CPEB1: variants seen among roughly 807,000 people sequenced by gnomAD.
The protein encoded by CPEB1 is cytoplasmic polyadenylation element-binding protein 1.
Under a neutral mutation model 65.8 loss-of-function variants are expected in CPEB1, and 7 were observed. The ratio of observed to expected loss-of-function variants is 0.11; its 90% CI spans 0.06 to 0.20. CPEB1 has a LOEUF of 0.20. CPEB1 is among the 10% of genes least tolerant of loss of function. The pLI, the probability that CPEB1 is intolerant of heterozygous loss-of-function variation, is 1.00. For missense variants in CPEB1, 551 were observed against 712.2 expected, an observed-to-expected ratio of 0.77 and a Z score of 2.58; for synonymous variants, 262 against 260.0, an observed-to-expected ratio of 1.01 and a Z score of -0.08.
upstream of CPEB1, chr15:82,648,691 T>G (rs374256086): frequency 1.9e-3 from 297 of 152,850 alleles, 2 homozygotes; most frequent in East Asian, 3.9e-4. Context: ...GAGTCGGAGA[T>G]GGCATTCCAG....
rs1301676366 is a variant in CPEB1 at position 82,619,544 on chromosome 15, A to G, written c.271+7649T>C. ...AATAATTTTAATACATATTTCAGACAAAGAACTCATATGTGGCCTATATAA... is the reference window on the plus strand; with the variant it reads ...AATAATTTTAATACATATTTCAGACGAAGAACTCATATGTGGCCTATATAA... On this transcript the variant is annotated intron_variant, in intron 3 of 12. Coordinates refer to ENST00000684509, the MANE Select transcript of CPEB1 (RefSeq NM_001365242.1). Among the ~76,000 whole-genome samples the G allele has an allele frequency of 4.6e-5, 7 of 152,246 alleles. No homozygotes were observed. In the East Asian group the frequency reaches 1.3e-3, roughly 29 times the overall value.
chr15:82,578,905 C>T (rs2040943757), intron 3 of CPEB1, among the ~76,000 whole-genome samples: 1 of 152,292 alleles, frequency 6.6e-6, no homozygotes, highest in East Asian at 1.9e-4. Flanking sequence ...CTTACTACAA[C>T]CTCCACGTCC....
chr15:82,587,182 T>C (rs994774853), intron 3 of CPEB1, among the ~76,000 whole-genome samples: 1 of 152,220 alleles, frequency 6.6e-6, no homozygotes, highest in African/African-American at 2.4e-5. Context: ...ATGAGCCATT[T>C]AGGTAATTTT....
intron 6 of CPEB1, among the ~76,000 whole-genome samples, chr15:82,555,203 T>C (rs2036983384): frequency 6.6e-6 from 1 of 152,262 alleles, no homozygotes; most frequent in Non-Finnish European, 1.5e-5. Context: ...TTAAAATATA[T>C]AGAGATGGGG....
chr15:82,560,086 A>C (rs2037939479), intron 4 of CPEB1, among the ~76,000 whole-genome samples: 1 of 152,214 alleles, frequency 6.6e-6, no homozygotes. Context: ...TCTGAAAAAA[A>C]AAAGTTCCTT....
At position 82,552,583 on chromosome 15, in the gene CPEB1, G is replaced by A. The variant is rs1401919754; in HGVS notation, c.1178C>T (p.Ser393Phe). ...GCAAGCCTGAAGCAAGGATCGGACA[G>A]ACTTCTCTAGTTCGAAGACCAGATA... ...YVYLVFELEK[S>F]VRSLLQACSH... Residue 393 changes from serine (S) to phenylalanine (F), a missense_variant, in exon 9 of 13, where the codon TCT (serine) becomes TTT (phenylalanine). This residue lies in a region of CPEB1 where 99 missense variants were observed against 161.3 expected (regional missense o/e 0.61). Coordinates refer to ENST00000684509, the MANE Select transcript of CPEB1 (RefSeq NM_001365242.1). 1 of 1,614,104 alleles carries A rather than the reference G, an allele frequency of 6.2e-7. No homozygotes were observed. Among genetic ancestry groups the A allele is most frequent in the Non-Finnish European group, 8.5e-7 (1 of 1,179,956 alleles).
intron 1 of CPEB1, chr15:82,638,601 A>G (rs988800982): frequency 1.3e-5 from 2 of 152,214 alleles, no homozygotes; most frequent in African/African-American, 2.4e-5. Context: ...CCAAATACCC[A>G]AAGTTGAATA....
Position 82,544,781 on chromosome 15 carries a change from T to TC in CPEB1, c.1657-80dup, listed in dbSNP as rs2034861620. The TC allele has an allele frequency of 1.5e-5, 17 of 1,106,260 alleles. No individual in the cohort carries two copies. In the Admixed American group the frequency reaches 2.3e-4, roughly 15 times the overall value. 68.5% of individuals were successfully genotyped at this position (1,106,260 alleles called of 1,614,324 possible). ...AGGAGCTGTTGCACGAGCTGCTTGT[T>TC]CTGTTTGGAGAAGGGTGGGAGACTC... is the stretch of plus-strand genomic sequence containing the variant. On this transcript the variant is annotated intron_variant, in intron 12 of 12. Coordinates refer to ENST00000684509, the MANE Select transcript of CPEB1 (RefSeq NM_001365242.1).
At chr15:82,629,916 T>C (rs1296219470) in intron 1 of CPEB1, 2 of 985,296 alleles carry the variant, frequency 2.0e-6, no homozygotes, top group Non-Finnish European at 2.4e-6. Flanking sequence ...TCTTGAAGAT[T>C]GGTACCCTCT....
chr15:82,562,895 ATACT>A (rs1294647541), intron 4 of CPEB1, among the ~76,000 whole-genome samples: 1 of 152,068 alleles, frequency 6.6e-6, no homozygotes, highest in Non-Finnish European at 1.5e-5. Context: ...AAAATGGTAA[ATACT>A]TAAGAGAAAA....
Position 82,546,531 on chromosome 15 carries a change from G to C in CPEB1, c.1576-10C>G, listed in dbSNP as rs2035244189. 6.2e-7 allele frequency: 1 copy of C among 1,608,424 alleles called. No homozygotes were observed. Among genetic ancestry groups the C allele is most frequent in the South Asian group, 1.1e-5 (1 of 90,904 alleles). On this transcript the variant is annotated splice_polypyrimidine_tract_variant and intron_variant, in intron 11 of 12. Transcript: ENST00000684509. ...AGGGGTCAATCTGAACCTGCACAAA[G>C]GCAAAATAAGATGATGAAGTGGCTC... is the stretch of plus-strand genomic sequence containing the variant.
At chr15:82,631,902 C>G (rs1380954695) in intron 1 of CPEB1, among the ~76,000 whole-genome samples, 1 of 150,212 alleles carries the variant, frequency 6.7e-6, no homozygotes, top group Non-Finnish European at 1.5e-5. Context: ...TTTTTGGAAG[C>G]TGGAACATTT....
At chr15:82,579,289 C>G (rs10468216) in intron 3 of CPEB1, among the ~76,000 whole-genome samples, 1 of 152,014 alleles carries the variant, frequency 6.6e-6, no homozygotes, top group African/African-American at 2.4e-5. Flanking sequence ...AGGGAGACCC[C>G]GTTTCTACAA....
upstream of CPEB1, chr15:82,647,835 C>A: frequency 7.8e-7 from 1 of 1,281,586 alleles, no homozygotes; most frequent in Non-Finnish European, 9.8e-7. Flanking sequence ...CCCGCCCAGG[C>A]GAGCGGCGGG....
chr15:82,612,156 CAG>C (rs1018265733), intron 3 of CPEB1, among the ~76,000 whole-genome samples: 10 of 152,090 alleles, frequency 6.6e-5, no homozygotes, highest in African/African-American at 2.4e-4. Flanking sequence ...TTAAATGAAA[CAG>C]AGAAATTCCT....
In CPEB1 at chr15:82,601,902, A is replaced by G. The variant is rs1315521275; in HGVS notation, c.271+25291T>C. The stretch of plus-strand genomic sequence containing the variant: ...AAAAGGAGAGATAATTGAGATAACG[A>G]AAGCTAGAGATTTTAACACATTTCT... On this transcript the variant is annotated intron_variant, in intron 3 of 12. Transcript: ENST00000684509. 4.6e-5 allele frequency among the ~76,000 whole-genome samples: 7 copies of G among 152,358 alleles called. No individual in the cohort carries two copies. In the East Asian group the frequency reaches 1.3e-3, roughly 29 times the overall value.
rs565741349 is a variant in CPEB1, at chr15:82,639,854, C to CT, written c.-98+7282dup. ...TCAGACACACACGCGCAAACACTCT[C>CT]TCTCTCTCTCTCTCTCTGGGTGCCC... On this transcript the variant is annotated intron_variant, in intron 1 of 12. Transcript: ENST00000684509. Among the ~76,000 whole-genome samples, 7 of 151,486 alleles carry CT rather than the reference C, an allele frequency of 4.6e-5. No homozygotes were observed. In the South Asian group the frequency reaches 1.5e-3, roughly 32 times the overall value.
At chr15:82,573,534 C>T (rs1205652083) in intron 3 of CPEB1, among the ~76,000 whole-genome samples, 2 of 152,156 alleles carry the variant, frequency 1.3e-5, no homozygotes, top group Admixed American at 6.5e-5. Flanking sequence ...TTCTCCCCTA[C>T]ACCAAATATC....
intron 11 of CPEB1, among the ~76,000 whole-genome samples, 190 bp from the exon 12 acceptor site, chr15:82,546,711 G>A (rs1244529334): frequency 6.6e-6 from 1 of 152,194 alleles, no homozygotes; most frequent in African/African-American, 2.4e-5. Flanking sequence ...CTAGAGGACA[G>A]ACTCATACAC....
Sources: allele counts gnomAD v4.1 joint callset (sites outside exome capture counted in the v4.1 genomes callset), GRCh38; gene constraint gnomAD v4.1.1; regional missense constraint gnomAD v4.1.1; transcripts MANE v1.5; gene names NCBI Gene and HGNC (gene_info 2026-07-23, HGNC 2026-07-21).